Variants in RIC1 observed in about 807,000 individuals in gnomAD.
The protein encoded by RIC1 is RIC1 partner of RAB6A GEF complex.
RIC1 carries 88 observed loss-of-function variants against 169.0 expected under a neutral mutation model. The observed-to-expected ratio is 0.52, with a 90% CI of 0.44 to 0.62. The LOEUF (loss-of-function observed/expected upper bound fraction) is 0.62, where lower values mean the gene tolerates loss of function less well. Ranked by LOEUF, RIC1 falls within the 20% of genes least tolerant of loss-of-function variation. The pLI is 0.00. For synonymous variants in RIC1, 790 were observed against 601.5 expected (o/e 1.31, Z -4.59); for missense variants, 1,877 against 1,725.5 (o/e 1.09, Z -1.56).
chr9:5,763,673 T>A lies in RIC1; in HGVS notation c.2646T>A (p.Pro882=), dbSNP rs1826483354. The change falls in exon 19 of 26, where the codon CCT becomes CCA. Residue 882 remains proline, a synonymous_variant. Transcript: ENST00000414202. The surrounding 1 kb of genome is among the most constrained non-coding windows in gnomAD (Gnocchi z 5.2). ...EATSREPIPD[P]LLPTVAKFIT... ...CCTCACGGGAGCCCATTCCCGACCC[T>A]CTGCTTCCCACTGTGGCAAAATTTA... is the stretch of plus-strand genomic sequence containing the variant. 6.2e-7 allele frequency: 1 copy of A among 1,614,052 alleles called. No individual in the cohort carries two copies. Among genetic ancestry groups the A allele is most frequent in the African/African-American group, 1.3e-5 (1 of 74,932 alleles).
chr9:5,683,921 C>T (rs969452391), intron 2 of RIC1, among the ~76,000 whole-genome samples: 37 of 152,170 alleles, frequency 2.4e-4, no homozygotes, highest in Admixed American at 7.8e-4. Context: ...AGCGAGGCTC[C>T]GTGGGCATAG....
In RIC1 at chr9:5,774,411, C is replaced by T. The variant is rs542004113; in HGVS notation, c.*165C>T. 1 of 565,378 alleles carries T rather than the reference C, an allele frequency of 1.8e-6. No individual in the cohort carries two copies. The highest frequency in any genetic ancestry group is 2.9e-6 in the Non-Finnish European group (1 of 350,794). The allele number at this position is 565,378 out of a possible 1,614,324, so 35.0% of individuals were successfully genotyped here. A position where few individuals can be genotyped will look rare whatever the true frequency, so the allele number is the denominator to read the frequency against. On this transcript the variant is annotated 3_prime_UTR_variant, in exon 26 of 26. Transcript: ENST00000414202. ...TTTCTTGTCTAAGAAATCTTTTTGA[C>T]TCCATAAAAATGTGATATAAAGCAT... is the stretch of plus-strand genomic sequence containing the variant.
intron 16 of RIC1, among the ~76,000 whole-genome samples, chr9:5,756,844 A>G (rs556486891): frequency 2.6e-5 from 4 of 152,214 alleles, no homozygotes; most frequent in South Asian, 2.1e-4. Context: ...GTTGCCTTAT[A>G]TTTGTCTTGG....
chr9:5,735,398 G>T (rs953500519), intron 7 of RIC1, among the ~76,000 whole-genome samples: 3 of 152,212 alleles, frequency 2.0e-5, no homozygotes, highest in African/African-American at 7.2e-5. Flanking sequence ...CAGCACAAGG[G>T]TGGGTGTTAG....
intron 10 of RIC1, among the ~76,000 whole-genome samples, chr9:5,744,927 A>G (rs978246266): frequency 2.6e-4 from 40 of 152,066 alleles, no homozygotes; most frequent in African/African-American, 9.7e-4. Flanking sequence ...CTCTTGCTCC[A>G]CAGAGGAAGA....
At chr9:5,734,569 T>A (rs1233267871) in intron 7 of RIC1, among the ~76,000 whole-genome samples, 2 of 151,286 alleles carry the variant, frequency 1.3e-5, no homozygotes, top group East Asian at 3.9e-4. Flanking sequence ...AACAAAAATA[T>A]GCATACAAAG....
chr9:5,630,527 C>T lies in RIC1; in HGVS notation c.144+1074C>T, dbSNP rs556582353. On this transcript the variant is annotated intron_variant, in intron 1 of 25. Transcript: ENST00000414202. ...CATTACCTGTAATGCCCTTGACAGT[C>T]CTCACCCACTTCCCTGGTAATACTG... 2.2e-4 allele frequency among the ~76,000 whole-genome samples: 34 copies of T among 152,324 alleles called. No individual in the cohort carries two copies. The South Asian group carries it at 6.8e-3, about 31-fold the overall frequency.
intron 22 of RIC1, 95 bp downstream of exon 22, chr9:5,769,351 T>C (rs1554615082): frequency 3.1e-6 from 5 of 1,612,806 alleles, no homozygotes; most frequent in Non-Finnish European, 2.5e-6. Flanking sequence ...AGGAATTATT[T>C]TCATTCCAAA....
In RIC1 at chr9:5,629,152, G is replaced by C; in HGVS notation, c.-158G>C. 2 of 608,980 alleles carry C rather than the reference G, an allele frequency of 3.3e-6. No individual in the cohort carries two copies. The highest frequency in any genetic ancestry group is 4.7e-6 in the Non-Finnish European group (2 of 421,744). 37.7% of individuals were successfully genotyped at this position (608,980 alleles called of 1,614,324 possible). A position where few individuals can be genotyped will look rare whatever the true frequency, so the allele number is the denominator to read the frequency against. ...GGGGGTGCCTTCGTCGCGCAGCCTTGCGTCGGCCCGGCCCGGCCAGGCCAG... is the reference window on the plus strand; with the variant it reads ...GGGGGTGCCTTCGTCGCGCAGCCTTCCGTCGGCCCGGCCCGGCCAGGCCAG... On this transcript the variant is annotated 5_prime_UTR_variant, in exon 1 of 26. Coordinates refer to ENST00000414202, the MANE Select transcript of RIC1 (RefSeq NM_020829.4).
chr9:5,678,193 C>A (rs370157472), intron 2 of RIC1, among the ~76,000 whole-genome samples: 1 of 152,292 alleles, frequency 6.6e-6, no homozygotes, highest in South Asian at 2.1e-4. Context: ...TTTTTTATGG[C>A]TGCATAGTAT....
intron 7 of RIC1, among the ~76,000 whole-genome samples, chr9:5,732,699 G>A (rs1227170909): frequency 2.0e-5 from 3 of 152,164 alleles, no homozygotes; most frequent in African/African-American, 7.2e-5. Context: ...ATTTGTAAAA[G>A]TTAGCGTTTT....
intron 3 of RIC1, among the ~76,000 whole-genome samples, chr9:5,703,853 G>T (rs1203308819): frequency 1.3e-5 from 2 of 152,118 alleles, no homozygotes; most frequent in African/African-American, 2.4e-5. Flanking sequence ...CATAGCAGTT[G>T]TTCATGTACA....
rs555744857 is a variant in RIC1 at position 5,685,305 on chromosome 9, G to C, written c.253-4654G>C. Among the ~76,000 whole-genome samples, 687 of 151,142 alleles carry C rather than the reference G, an allele frequency of 4.5e-3. 20 individuals are homozygous for C. Among genetic ancestry groups the C allele is most frequent in the Admixed American group, 0.043 (654 of 15,140 alleles). On this transcript the variant is annotated intron_variant, in intron 2 of 25. Coordinates refer to ENST00000414202, the MANE Select transcript of RIC1 (RefSeq NM_020829.4). ...AAAGTTCATATGGAACCAAAAAAGAGCCCGCATCGCCAAGTCAATCCTAAG... is the reference window on the plus strand; with the variant it reads ...AAAGTTCATATGGAACCAAAAAAGACCCCGCATCGCCAAGTCAATCCTAAG...
At chr9:5,672,954 C>G (rs958183532) in intron 2 of RIC1, among the ~76,000 whole-genome samples, 2 of 152,120 alleles carry the variant, frequency 1.3e-5, no homozygotes, top group Admixed American at 6.5e-5. Context: ...TGTACCTAGA[C>G]AGGATGTCCT....
Position 5,725,620 on chromosome 9 carries a change from C to T in RIC1, c.720+4870C>T, listed in dbSNP as rs190466366. 1.1e-4 allele frequency among the ~76,000 whole-genome samples: 16 copies of T among 152,048 alleles called. 1 individual carries two copies. The East Asian group carries it at 2.9e-3, about 28-fold the overall frequency. Reference sequence around the variant, plus strand: ...TGCTAGCTTTTGAATGTGTCTGCTCCTGCTTCTCTAGTTCTTTTAATTGTG... The same window carrying T: ...TGCTAGCTTTTGAATGTGTCTGCTCTTGCTTCTCTAGTTCTTTTAATTGTG... On this transcript the variant is annotated intron_variant, in intron 6 of 25. Coordinates refer to ENST00000414202, the MANE Select transcript of RIC1 (RefSeq NM_020829.4).
At chr9:5,726,105 C>T (rs1051611546) in intron 6 of RIC1, among the ~76,000 whole-genome samples, 1 of 152,016 alleles carries the variant, frequency 6.6e-6, no homozygotes, top group Admixed American at 6.6e-5. Context: ...TCCTGGATAC[C>T]CTTGTTAACT....
chr9:5,761,012 C>G (rs1000477860), intron 17 of RIC1, among the ~76,000 whole-genome samples: 1 of 151,758 alleles, frequency 6.6e-6, no homozygotes, highest in African/African-American at 2.4e-5. Context: ...CTTTTGTCTT[C>G]CAAAAGCTCA....
Position 5,720,707 on chromosome 9 carries a change from A to C in RIC1, c.677A>C (p.Lys226Thr). 2 of 1,612,432 alleles carry C rather than the reference A, an allele frequency of 1.2e-6. No homozygotes were observed. The highest frequency in any genetic ancestry group is 1.1e-5 in the South Asian group (1 of 90,796). Reference sequence around the variant, plus strand: ...TTTGCTGTTGTATTTAATGATGGTAAAGTTGGATTTATTACACCAGTGTCA... The same window carrying C: ...TTTGCTGTTGTATTTAATGATGGTACAGTTGGATTTATTACACCAGTGTCA... ...DGFAVVFNDG[K>T]VGFITPVSSR... The change falls in exon 6 of 26, where the codon AAA becomes ACA. Residue 226 changes from lysine (K) to threonine (T), a missense_variant. Lys to Thr is a moderately conservative substitution (Grantham distance 78, BLOSUM62 -1). Coordinates refer to ENST00000414202, the MANE Select transcript of RIC1 (RefSeq NM_020829.4).
At chr9:5,740,596 G>A (rs943880907) in intron 8 of RIC1, among the ~76,000 whole-genome samples, 1 of 151,370 alleles carries the variant, frequency 6.6e-6, no homozygotes, top group Non-Finnish European at 1.5e-5. Context: ...AGAACTTGGA[G>A]TCTGATGTTT....
Sources: allele counts gnomAD v4.1 joint callset (sites outside exome capture counted in the v4.1 genomes callset), GRCh38; gene constraint gnomAD v4.1.1; non-coding constraint Gnocchi (gnomAD v3.1); transcripts MANE v1.5; gene names NCBI Gene and HGNC (gene_info 2026-07-23, HGNC 2026-07-21).